The following FNTA variants were observed in gnomAD, a reference collection of about 807,000 sequenced individuals.
FNTA encodes the protein protein farnesyltransferase/geranylgeranyltransferase type-1 subunit alpha.
FNTA carries 27 observed loss-of-function variants against 55.2 expected under a neutral mutation model. The ratio of observed to expected loss-of-function variants is 0.49; its 90% CI spans 0.36 to 0.67. The LOEUF (loss-of-function observed/expected upper bound fraction) is 0.67, where lower values mean the gene tolerates loss of function less well. Among genes scored for constraint, FNTA ranks in the 30% least tolerant of loss-of-function variants. FNTA has a pLI of 0.00. For synonymous variants in FNTA, 176 were observed against 170.7 expected, an observed-to-expected ratio of 1.03 and a Z score of -0.24; for missense variants, 422 against 464.7, an observed-to-expected ratio of 0.91 and a Z score of 0.85.
chr8:43,068,418 G>A (rs895544703), intron 3 of FNTA, among the ~76,000 whole-genome samples: 1 of 152,190 alleles, frequency 6.6e-6, no homozygotes, highest in Non-Finnish European at 1.5e-5. Flanking sequence ...GTTGGTGGTG[G>A]TGGTTAAAAC....
At chr8:43,069,714 G>T in intron 4 of FNTA, 55 bp downstream of exon 4, 3 of 1,048,836 alleles carry the variant, frequency 2.9e-6, no homozygotes, top group African/African-American at 1.6e-5. Context: ...GCATGACCTC[G>T]GCTCACTGCA....
At chr8:43,080,569 A>G (rs1020773443) in intron 6 of FNTA, 1 of 152,214 alleles carries the variant, frequency 6.6e-6, no homozygotes, top group Non-Finnish European at 1.5e-5. Flanking sequence ...AAATTGCTTT[A>G]CTGAACCTTC....
intron 2 of FNTA, among the ~76,000 whole-genome samples, chr8:43,062,461 T>C (rs1457994390): frequency 6.6e-6 from 1 of 152,040 alleles, no homozygotes; most frequent in East Asian, 1.9e-4. Flanking sequence ...TTTGTATTTT[T>C]AGTAGAGATG....
intron 2 of FNTA, among the ~76,000 whole-genome samples, chr8:43,061,122 ACATTT>A (rs1320416071): frequency 6.6e-6 from 1 of 152,222 alleles, no homozygotes; most frequent in Non-Finnish European, 1.5e-5. Flanking sequence ...AGAGCTCCAT[ACATTT>A]CATATGGGAT....
At chr8:43,071,914 C>T (rs1166550795) in intron 4 of FNTA, among the ~76,000 whole-genome samples, 1 of 152,150 alleles carries the variant, frequency 6.6e-6, no homozygotes, top group African/African-American at 2.4e-5. Context: ...TCTTGTCTCT[C>T]ATTATACAAT....
chr8:43,063,345 GT>G (rs147258387), intron 2 of FNTA: 7 of 453,538 alleles, frequency 1.5e-5, no homozygotes, highest in East Asian at 7.0e-5. Context: ...TCTTTTGTTT[GT>G]TTTTTTTGTA....
At position 43,083,965 on chromosome 8, in the gene FNTA, TGGGAGGCTGAAGCAC is replaced by T. The variant is rs1435336914; in HGVS notation, c.846-743_846-729del. 2.0e-5 allele frequency among the ~76,000 whole-genome samples: 3 copies of T among 151,942 alleles called. No homozygotes were observed. The South Asian group carries it at 6.2e-4, about 32-fold the overall frequency. On this transcript the variant is annotated intron_variant, in intron 7 of 8. Transcript: ENST00000302279. ...GTGCACACCTGTAATCCCAGCTACT[TGGGAGGCTGAAGCAC>T]GAGAGTTGCTTGAACCTGGAGGTGG...
chr8:43,056,389 G>C lies in FNTA; in HGVS notation c.43G>C (p.Glu15Gln). ...GGTCGGGGAGGCTGCGCAAGGGGGC[G>C]AGCCCGGGCAGCCGGCGCAACCCCC... The part of the protein sequence containing the change: ...EGVGEAAQGG[E>Q]PGQPAQPPPQ... The change falls in exon 1 of 9, where the codon GAG becomes CAG. Residue 15 changes from glutamate (E) to glutamine (Q), a missense_variant. By Grantham distance (29) the Glu-to-Gln change is conservative. Coordinates refer to ENST00000302279, the MANE Select transcript of FNTA (RefSeq NM_002027.3). The C allele has an allele frequency of 6.7e-7, 1 of 1,491,300 alleles. No individual in the cohort carries two copies. The highest frequency in any genetic ancestry group is 8.9e-7 in the Non-Finnish European group (1 of 1,123,540). The allele number at this position is 1,491,300 out of a possible 1,614,324, so 92.4% of individuals were successfully genotyped here.
chr8:43,057,629 C>G (rs1288018687), intron 1 of FNTA, among the ~76,000 whole-genome samples: 2 of 152,212 alleles, frequency 1.3e-5, no homozygotes, highest in Non-Finnish European at 2.9e-5. Flanking sequence ...CACAGAATCT[C>G]TGCTGTCAAC....
Position 43,056,436 on chromosome 8 carries a change from G to A in FNTA, c.90G>A (p.Pro30=), listed in dbSNP as rs1563324192. 3 of 1,543,800 alleles carry A rather than the reference G, an allele frequency of 1.9e-6. No homozygotes were observed. The highest frequency in any genetic ancestry group is 2.6e-6 in the Non-Finnish European group (3 of 1,148,672). ...AQPPPQPHPP[P]PQQQHKEEMA... ...CCCCGCCCCAGCCGCACCCACCGCC[G>A]CCCCAGCAGCAGCACAAGGAAGAGA... Residue 30 remains proline (P), a synonymous_variant, in exon 1 of 9, where the codon CCG becomes CCA. Transcript: ENST00000302279.
intron 6 of FNTA, 87 bp downstream of exon 6, chr8:43,077,451 G>C: frequency 9.8e-7 from 1 of 1,019,516 alleles, no homozygotes; most frequent in South Asian, 1.8e-5. Flanking sequence ...AGCAGATCAA[G>C]ATCCTACCCC....
chr8:43,078,468 C>T (rs1458161244), intron 6 of FNTA: 2 of 151,932 alleles, frequency 1.3e-5, no homozygotes, highest in East Asian at 3.8e-4. Flanking sequence ...TTTTGGTACT[C>T]CTCAGTATTT....
Position 43,064,138 on chromosome 8 carries a change from G to A in FNTA, c.324G>A (p.Gln108=). The A allele has an allele frequency of 4.3e-6, 7 of 1,614,060 alleles. No homozygotes were observed. The highest frequency in any genetic ancestry group is 5.1e-6 in the Non-Finnish European group (6 of 1,179,918). ...DVYDYFRAVL[Q]RDERSERAFK... is the part of the protein sequence containing the mutation. ...ATGATTACTTCCGAGCTGTCCTGCA[G>A]CGTGATGAAAGAAGTGAACGAGCTT... The change falls in exon 3 of 9, where the codon CAG becomes CAA. Residue 108 remains glutamine (Q), a synonymous_variant. Transcript: ENST00000302279.
intron 5 of FNTA, among the ~76,000 whole-genome samples, chr8:43,074,585 C>G (rs1238220700): frequency 6.6e-6 from 1 of 151,858 alleles, no homozygotes; most frequent in African/African-American, 2.4e-5. Context: ...ACTCACCAGT[C>G]AAAAGAAATG....
chr8:43,072,220 A>G lies in FNTA; in HGVS notation c.546A>G (p.Pro182=). Residue 182 remains proline (P), a synonymous_variant, in exon 5 of 9, where the codon CCA becomes CCG. Transcript: ENST00000302279. ...RRVLVEWLRD[P]SQELEFIADI... Reference sequence around the variant, plus strand: ...TATTAGTGGAATGGCTAAGAGATCCATCTCAGGAGCTTGAATTTATTGCTG... The same window carrying G: ...TATTAGTGGAATGGCTAAGAGATCCGTCTCAGGAGCTTGAATTTATTGCTG... 1.3e-6 allele frequency: 2 copies of G among 1,588,882 alleles called. No homozygotes were observed. Among genetic ancestry groups the G allele is most frequent in the Non-Finnish European group, 8.6e-7 (1 of 1,167,440 alleles).
Position 43,069,622 on chromosome 8 carries a change from G to A in FNTA, c.469G>A (p.Ala157Thr). ...DLHEEMNYIT[A>T]IIEEQPKNYQ... ...ACATGAGGAAATGAACTACATCACT[G>A]CAATAATTGAGGAGCAGCCCAAAAA... The change falls in exon 4 of 9, where the codon GCA becomes ACA. Residue 157 changes from alanine to threonine, a missense_variant. This residue lies in a region of FNTA where 262 missense variants were observed against 343.1 expected (regional missense o/e 0.76). Transcript: ENST00000302279. The A allele has an allele frequency of 6.2e-7, 1 of 1,613,310 alleles. No individual in the cohort carries two copies. Among genetic ancestry groups the A allele is most frequent in the Non-Finnish European group, 8.5e-7 (1 of 1,179,432 alleles).
intron 5 of FNTA, among the ~76,000 whole-genome samples, chr8:43,074,447 C>G (rs1432127916): frequency 6.6e-6 from 1 of 152,112 alleles, no homozygotes; most frequent in Non-Finnish European, 1.5e-5. Flanking sequence ...ATCACTTGAG[C>G]CCAAGAGGTG....
At chr8:43,076,296 G>A (rs1586660034) in intron 5 of FNTA, among the ~76,000 whole-genome samples, 1 of 151,880 alleles carries the variant, frequency 6.6e-6, no homozygotes, top group African/African-American at 2.4e-5. Flanking sequence ...CACCCACCTC[G>A]ACCTCCCAAA....
intron 1 of FNTA, chr8:43,057,188 AC>A (rs1217928226): frequency 6.6e-6 from 1 of 152,040 alleles, no homozygotes; most frequent in Non-Finnish European, 1.5e-5. Flanking sequence ...TGCCTCTGTC[AC>A]CCCGTCTTTG....
Sources: gnomAD v4.1 joint callset for allele counts (sites outside exome capture counted in the v4.1 genomes callset) on GRCh38, gnomAD v4.1.1 for gene constraint, gnomAD v4.1.1 regional missense constraint, MANE v1.5 for transcripts, NCBI Gene and HGNC (gene_info 2026-07-23, HGNC 2026-07-21) for gene names.